The following HHAT variants were observed in gnomAD, a reference collection of about 807,000 sequenced individuals.
The protein encoded by HHAT is hedgehog acyltransferase.
Under a neutral mutation model 70.8 loss-of-function variants are expected in HHAT, and 47 were observed. The ratio of observed to expected loss-of-function variants is 0.66; its 90% CI spans 0.53 to 0.85. The LOEUF (loss-of-function observed/expected upper bound fraction) is 0.85, where lower values mean the gene tolerates loss of function less well. HHAT is among the 40% of genes least tolerant of loss of function. The pLI is 0.00. For missense variants in HHAT, 609 were observed against 604.8 expected (o/e 1.01, Z -0.07); for synonymous variants, 228 against 247.6 (o/e 0.92, Z 0.74).
intron 3 of HHAT, among the ~76,000 whole-genome samples, chr1:210,384,025 G>T (rs2090859341): frequency 6.6e-6 from 1 of 152,124 alleles, no homozygotes; most frequent in Non-Finnish European, 1.5e-5. Context: ...AGCTCCTCAT[G>T]GTGCCTAGAG....
chr1:210,511,342 A>G (rs2094948613), intron 8 of HHAT, among the ~76,000 whole-genome samples: 1 of 152,172 alleles, frequency 6.6e-6, no homozygotes, highest in Non-Finnish European at 1.5e-5. Context: ...GTAGTAAATG[A>G]GGTCTGTCAT....
At chr1:210,431,474 G>T (rs2093241685) in intron 7 of HHAT, among the ~76,000 whole-genome samples, 1 of 151,848 alleles carries the variant, frequency 6.6e-6, no homozygotes, top group Admixed American at 6.6e-5. Flanking sequence ...ATTTGAAAAA[G>T]ATGCTTTCAC....
At chr1:210,610,297 G>T (rs759042181) in intron 10 of HHAT, among the ~76,000 whole-genome samples, 1 of 152,136 alleles carries the variant, frequency 6.6e-6, no homozygotes, top group Non-Finnish European at 1.5e-5. Flanking sequence ...TTAAAAATAT[G>T]TTGGCCACAT....
intron 9 of HHAT, among the ~76,000 whole-genome samples, chr1:210,566,816 G>A (rs1210575300): frequency 1.3e-5 from 2 of 152,154 alleles, no homozygotes; most frequent in African/African-American, 4.8e-5. Context: ...AGTTCTTCAG[G>A]GATGCTGGAC....
chr1:210,370,367 G>A (rs1395114086), intron 3 of HHAT, among the ~76,000 whole-genome samples: 1 of 151,598 alleles, frequency 6.6e-6, no homozygotes, highest in Non-Finnish European at 1.5e-5. Flanking sequence ...TAGAGATGGA[G>A]TTTCACTATG....
chr1:210,579,373 T>A (rs1658672467), intron 9 of HHAT, among the ~76,000 whole-genome samples: 1 of 152,088 alleles, frequency 6.6e-6, no homozygotes, highest in Non-Finnish European at 1.5e-5. Context: ...GTCTTGCTAA[T>A]CAATGGGTAT....
intron 7 of HHAT, among the ~76,000 whole-genome samples, chr1:210,444,949 C>A (rs2093604981): frequency 6.6e-6 from 1 of 152,166 alleles, no homozygotes; most frequent in African/African-American, 2.4e-5. Context: ...AAGCGATTCT[C>A]CTGCCTTAGC....
chr1:210,354,222 T>G (rs1314609004), intron 2 of HHAT, among the ~76,000 whole-genome samples: 1 of 74,554 alleles, frequency 1.3e-5, no homozygotes, highest in Non-Finnish European at 2.5e-5. Flanking sequence ...TTTTTTTTTT[T>G]GAGACAGAAT....
At chr1:210,593,744 G>T (rs1192548240) in intron 10 of HHAT, among the ~76,000 whole-genome samples, 3 of 152,090 alleles carry the variant, frequency 2.0e-5, no homozygotes, top group Admixed American at 2.0e-4. Context: ...CTGTTTGGAT[G>T]ATCTAATTCT....
At chr1:210,379,996 A>G (rs1473286368) in intron 3 of HHAT, among the ~76,000 whole-genome samples, 24 of 152,180 alleles carry the variant, frequency 1.6e-4, no homozygotes, top group Admixed American at 1.6e-3. Flanking sequence ...CTGGGGTTAT[A>G]AAGGCATTCT....
intron 10 of HHAT, among the ~76,000 whole-genome samples, chr1:210,602,741 C>T (rs887246527): frequency 2.6e-5 from 4 of 152,124 alleles, no homozygotes; most frequent in Admixed American, 6.5e-5. Flanking sequence ...AAAAGCAATG[C>T]GTGTTGTTAT....
At chr1:210,621,020 A>G (rs889496947) in intron 10 of HHAT, among the ~76,000 whole-genome samples, 2 of 152,018 alleles carry the variant, frequency 1.3e-5, no homozygotes, top group Middle Eastern at 3.4e-3. Context: ...GAGGAGTCCT[A>G]TGCCTCCAAT....
At position 210,349,049 on chromosome 1, in the gene HHAT, T is replaced by A; in HGVS notation, c.74T>A (p.Val25Asp). 6.2e-7 allele frequency: 1 copy of A among 1,614,002 alleles called. No homozygotes were observed. ...LGFHFYSFYE[V>D]YKVSREHEEE... is the part of the protein sequence containing the mutation. ...TTCCACTTCTATTCCTTCTATGAAG[T>A]TTACAAAGTCTCCAGAGGTAAGGCC... is the stretch of plus-strand genomic sequence containing the variant. Residue 25 changes from valine (V) to aspartate (D), a missense_variant, in exon 2 of 12, where the codon GTT becomes GAT. Transcript: ENST00000261458.
chr1:210,636,537 C>A (rs1053667642), intron 11 of HHAT, among the ~76,000 whole-genome samples: 2 of 152,198 alleles, frequency 1.3e-5, no homozygotes, highest in Non-Finnish European at 2.9e-5. Flanking sequence ...ACTTTCTTTG[C>A]CTCCTTTGGT....
chr1:210,368,488 G>C (rs1389280971), intron 3 of HHAT, among the ~76,000 whole-genome samples: 1 of 151,890 alleles, frequency 6.6e-6, no homozygotes, highest in African/African-American at 2.4e-5. Context: ...GATGCGTTTC[G>C]CCATGTCGGC....
intron 9 of HHAT, among the ~76,000 whole-genome samples, chr1:210,570,921 T>A (rs1305417053): frequency 6.6e-6 from 1 of 152,152 alleles, no homozygotes; most frequent in East Asian, 1.9e-4. Flanking sequence ...GGGGTAAGTG[T>A]TAAAGCCCAC....
In HHAT at chr1:210,531,111, T is replaced by C. The variant is rs183548237; in HGVS notation, c.1043+17923T>C. Among the ~76,000 whole-genome samples the C allele has an allele frequency of 1.3e-3, 199 of 152,368 alleles. 1 individual carries two copies. Among genetic ancestry groups the C allele is most frequent in the African/African-American group, 4.6e-3 (191 of 41,586 alleles). The stretch of plus-strand genomic sequence containing the variant: ...CTTGCTCCTAGACTACAAACCTGTG[T>C]ACTGTGTTACTGTACTGAATACTAC... On this transcript the variant is annotated intron_variant, in intron 9 of 11. Transcript: ENST00000261458.
At chr1:210,587,425 A>G (rs1660708673) in intron 9 of HHAT, among the ~76,000 whole-genome samples, 4 of 152,254 alleles carry the variant, frequency 2.6e-5, no homozygotes, top group Middle Eastern at 6.8e-3. Context: ...CCATGATTCA[A>G]TTACCTCGCG....
intron 8 of HHAT, among the ~76,000 whole-genome samples, chr1:210,472,365 G>T (rs554685462): frequency 6.6e-6 from 1 of 152,312 alleles, no homozygotes; most frequent in Non-Finnish European, 1.5e-5. Context: ...AGATCACACA[G>T]CAAGTGAGTG....
Sources: gnomAD v4.1 joint callset for allele counts (sites outside exome capture counted in the v4.1 genomes callset) on GRCh38, gnomAD v4.1.1 for gene constraint, MANE v1.5 for transcripts, NCBI Gene and HGNC (gene_info 2026-07-23, HGNC 2026-07-21) for gene names.